Variants in ELP3 observed in about 807,000 individuals in gnomAD.
ELP3 encodes the protein elongator acetyltransferase complex subunit 3.
Under a neutral mutation model 74.9 loss-of-function variants are expected in ELP3, and 56 were observed. That is an observed-to-expected ratio of 0.75 (90% CI 0.60 to 0.93). The LOEUF (loss-of-function observed/expected upper bound fraction) is 0.93, where lower values mean the gene tolerates loss of function less well. Among genes scored for constraint, ELP3 ranks in the 40% least tolerant of loss-of-function variants. ELP3 has a pLI of 0.00. For missense variants in ELP3, 573 were observed against 686.5 expected, an observed-to-expected ratio of 0.83 and a Z score of 1.85; for synonymous variants, 222 against 239.8, an observed-to-expected ratio of 0.93 and a Z score of 0.68.
At chr8:28,172,017 A>G (rs1351216438) in intron 14 of ELP3, among the ~76,000 whole-genome samples, 1 of 152,152 alleles carries the variant, frequency 6.6e-6, no homozygotes, top group African/African-American at 2.4e-5. Flanking sequence ...GCTGGCCTAT[A>G]TGTCCATCTT....
chr8:28,178,178 A>G (rs7845797), intron 14 of ELP3, among the ~76,000 whole-genome samples: 3,469 of 152,320 alleles, frequency 0.023, 154 homozygotes, highest in African/African-American at 0.079. Flanking sequence ...GAAATTTCTC[A>G]TAGTTCTAGA....
At chr8:28,149,477 G>T (rs751529742) in intron 10 of ELP3, among the ~76,000 whole-genome samples, 5 of 152,184 alleles carry the variant, frequency 3.3e-5, no homozygotes, top group African/African-American at 1.2e-4. Context: ...GTTGTTCATA[G>T]TTTTCCATTG....
At chr8:28,090,903 C>CTTTTTTTTTTTTTTT (rs1563239681), upstream of ELP3, among the ~76,000 whole-genome samples, 2 of 53,146 alleles carry the variant, frequency 3.8e-5, 1 homozygote. Context: ...GTAAATGTTT[C>CTTTTTTTTTTTTTTT]CTTTTTTTTT....
At chr8:28,108,537 A>C (rs1477615462) in intron 5 of ELP3, among the ~76,000 whole-genome samples, 1 of 147,982 alleles carries the variant, frequency 6.8e-6, no homozygotes, top group Non-Finnish European at 1.5e-5. Flanking sequence ...CTTCACTGCA[A>C]CCTCCACCTC....
At chr8:28,160,568 G>C in intron 13 of ELP3, 112 bp downstream of exon 13, 1 of 888,158 alleles carries the variant, frequency 1.1e-6, no homozygotes, top group Non-Finnish European at 1.7e-6. Context: ...AGAGGGGAAA[G>C]AGAAGCATAG....
intron 10 of ELP3, among the ~76,000 whole-genome samples, chr8:28,148,186 C>T (rs1486858872): frequency 1.3e-5 from 2 of 152,128 alleles, no homozygotes; most frequent in East Asian, 3.9e-4. Context: ...TACTACAGTA[C>T]TACACTACAT....
intron 10 of ELP3, among the ~76,000 whole-genome samples, chr8:28,154,356 T>C (rs2130532282): frequency 6.6e-6 from 1 of 152,334 alleles, no homozygotes; most frequent in East Asian, 1.9e-4. Context: ...ACAACTATCA[T>C]GAATAACAAG....
At chr8:28,133,836 C>A (rs140469473) in intron 9 of ELP3, among the ~76,000 whole-genome samples, 221 of 152,192 alleles carry the variant, frequency 1.5e-3, no homozygotes, top group African/African-American at 5.0e-3. Flanking sequence ...CTTCGTAATT[C>A]CCCCACAATG....
At chr8:28,090,291 G>A, upstream of ELP3, 1 of 409,542 alleles carries the variant, frequency 2.4e-6, no homozygotes, top group South Asian at 1.8e-5. Context: ...CTGGAGCCCA[G>A]GCTGTTGCTT....
intron 2 of ELP3, among the ~76,000 whole-genome samples, chr8:28,097,789 G>A (rs1478645851): frequency 6.6e-6 from 1 of 152,156 alleles, no homozygotes; most frequent in African/African-American, 2.4e-5. Flanking sequence ...AGACACTGTT[G>A]CTAATGCATT....
chr8:28,158,946 A>G (rs576233689), intron 12 of ELP3, among the ~76,000 whole-genome samples: 2 of 152,246 alleles, frequency 1.3e-5, no homozygotes, highest in Non-Finnish European at 2.9e-5. Context: ...AGCACTTGCA[A>G]TATGGCTTGT....
At chr8:28,106,823 A>G in intron 4 of ELP3, 40 bp downstream of exon 4, 1 of 1,499,926 alleles carries the variant, frequency 6.7e-7, no homozygotes, top group Non-Finnish European at 9.3e-7. Flanking sequence ...GTATGTTTTA[A>G]TTAAGCTAAA....
At chr8:28,183,176 G>A (rs755125103) in intron 14 of ELP3, 5 of 457,248 alleles carry the variant, frequency 1.1e-5, no homozygotes, top group South Asian at 6.2e-5. Context: ...AAACAGGCTT[G>A]TTTTCTTCTC....
At chr8:28,141,853 C>T (rs984453336) in intron 10 of ELP3, among the ~76,000 whole-genome samples, 2 of 152,154 alleles carry the variant, frequency 1.3e-5, no homozygotes, top group Admixed American at 1.3e-4. Context: ...GATGCAGCTT[C>T]TCAGCCGCAG....
chr8:28,090,779 A>T (rs1413487236), upstream of ELP3, among the ~76,000 whole-genome samples: 1 of 152,134 alleles, frequency 6.6e-6, no homozygotes, highest in Non-Finnish European at 1.5e-5. Context: ...GTTATTATCT[A>T]TAGACCTGAA....
At chr8:28,165,099 T>G (rs1307809128) in intron 14 of ELP3, among the ~76,000 whole-genome samples, 1 of 152,116 alleles carries the variant, frequency 6.6e-6, no homozygotes, top group African/African-American at 2.4e-5. Context: ...GCTTTGCCAG[T>G]AGCTCTTCTT....
rs187712227 is a variant in ELP3, at chr8:28,122,474, A to C, written c.618-7028A>C. Among the ~76,000 whole-genome samples, 298 of 152,360 alleles carry C rather than the reference A, an allele frequency of 2.0e-3. 1 individual carries two copies. The highest frequency in any genetic ancestry group is 6.6e-3 in the African/African-American group (275 of 41,588). On this transcript the variant is annotated intron_variant, in intron 7 of 14. Transcript: ENST00000256398. ...TTTTAGATCATAATTCAGTTCATTT[A>C]ATAGATATAGAGCTATTCATATTTT... is the stretch of plus-strand genomic sequence containing the variant.
intron 7 of ELP3, among the ~76,000 whole-genome samples, chr8:28,115,275 T>C (rs565638968): frequency 8.7e-4 from 133 of 152,198 alleles, no homozygotes; most frequent in African/African-American, 2.9e-3. Context: ...ATAGGTAACA[T>C]TGACAACCAT....
chr8:28,186,454 C>A (rs190572958), intron 14 of ELP3, among the ~76,000 whole-genome samples: 63 of 152,344 alleles, frequency 4.1e-4, no homozygotes, highest in African/African-American at 1.5e-3. Flanking sequence ...CACTCTTCAT[C>A]ACCACTTCAG....
Sources: allele counts gnomAD v4.1 joint callset (sites outside exome capture counted in the v4.1 genomes callset), GRCh38; gene constraint gnomAD v4.1.1; transcripts MANE v1.5; gene names NCBI Gene and HGNC (gene_info 2026-07-23, HGNC 2026-07-21).